The following POF1B variants were observed in gnomAD, a reference collection of about 807,000 sequenced individuals.
POF1B encodes the protein protein POF1B.
A neutral mutation model predicts 55.3 loss-of-function variants in POF1B; 53 were observed. That is an observed-to-expected ratio of 0.96 (90% confidence interval 0.77 to 1.20). The LOEUF is 1.20. Ranked by LOEUF, POF1B falls within the 50% of genes most tolerant of loss-of-function variation. POF1B has a pLI of 0.00. For synonymous variants in POF1B, 188 were observed against 148.3 expected, an observed-to-expected ratio of 1.27 and a Z score of -1.95; for missense variants, 478 against 420.5, an observed-to-expected ratio of 1.14 and a Z score of -1.20.
intron 3 of POF1B, among the ~76,000 whole-genome samples, chrX:85,361,178 C>T (rs1933609908): frequency 1.8e-5 from 2 of 111,777 alleles, no homozygotes; most frequent in South Asian, 3.7e-4. Flanking sequence ...TATAGGTTTT[C>T]GTTTCACTCT....
intron 4 of POF1B, among the ~76,000 whole-genome samples, chrX:85,354,000 G>T (rs1018888936): frequency 9.0e-6 from 1 of 110,914 alleles, no homozygotes; most frequent in African/African-American, 3.3e-5. Flanking sequence ...ACTAAAATCA[G>T]TGGAAGAAAG....
chrX:85,355,386 A>T lies in POF1B; in HGVS notation c.439-3935T>A, dbSNP rs1933472588. Among the ~76,000 whole-genome samples, 5 of 112,183 alleles carry T rather than the reference A, an allele frequency of 4.5e-5. No homozygotes were observed. The South Asian group carries it at 1.8e-3, about 41-fold the overall frequency. Reference sequence around the variant, plus strand: ...GAAAACCTAGGCATTACCATTCAGGACATAGGCTTGGGCAAGGACTTCATG... The same window carrying T: ...GAAAACCTAGGCATTACCATTCAGGTCATAGGCTTGGGCAAGGACTTCATG... On this transcript the variant is annotated intron_variant, in intron 4 of 16. Coordinates refer to ENST00000262753, the MANE Select transcript of POF1B (RefSeq NM_024921.4).
chrX:85,373,484 G>A (rs1422230490), intron 2 of POF1B, among the ~76,000 whole-genome samples: 2 of 111,185 alleles, frequency 1.8e-5, no homozygotes, highest in African/African-American at 6.5e-5. Context: ...GAAGAGTTGT[G>A]AAAAACAAAA....
intron 9 of POF1B, 66 bp from the exon 10 acceptor site, chrX:85,308,282 G>GT (rs1321652145): frequency 0.014 from 9,570 of 666,553 alleles, no homozygotes; most frequent in South Asian, 0.017. Context: ...ATAAGTGAAA[G>GT]TTTTTTTTTT....
intron 6 of POF1B, among the ~76,000 whole-genome samples, chrX:85,333,194 C>A (rs772361441): frequency 2.7e-5 from 3 of 110,746 alleles, no homozygotes; most frequent in South Asian, 7.6e-4. Context: ...TGCTTAAATA[C>A]CCTCTGTCCT....
At chrX:85,283,631 A>T (rs1019642737) in intron 15 of POF1B, among the ~76,000 whole-genome samples, 1 of 110,956 alleles carries the variant, frequency 9.0e-6, no homozygotes, top group Non-Finnish European at 1.9e-5. Flanking sequence ...GTGGAAAAAA[A>T]TAATTGACAT....
intron 4 of POF1B, among the ~76,000 whole-genome samples, chrX:85,352,661 G>GTGTT (rs766708600): frequency 1.8e-4 from 20 of 111,298 alleles, no homozygotes; most frequent in Non-Finnish European, 2.5e-4. Flanking sequence ...AAGATATTTT[G>GTGTT]TGTTTGTTTG....
At chrX:85,304,253 C>T (rs1932521445) in intron 14 of POF1B, 90 bp downstream of exon 14, 2 of 885,186 alleles carry the variant, frequency 2.3e-6, no homozygotes, top group East Asian at 7.9e-5. Flanking sequence ...GGATATGTGT[C>T]CTTTTCTAGT....
At chrX:85,303,657 G>A (rs1309879463) in intron 14 of POF1B, among the ~76,000 whole-genome samples, 169 bp from the exon 15 acceptor site, 1 of 110,656 alleles carries the variant, frequency 9.0e-6, no homozygotes, top group Non-Finnish European at 1.9e-5. Context: ...ATATCACCTA[G>A]TGTTGCTTCA....
In POF1B at chrX:85,306,205, T is replaced by G; in HGVS notation, c.1293A>C (p.Gln431His). 1 of 1,202,947 alleles carries G rather than the reference T, an allele frequency of 8.3e-7. No homozygotes were observed. The change falls in exon 12 of 17, where the codon CAA (glutamine) becomes CAC (histidine). Residue 431 changes from glutamine (Q) to histidine (H), a missense_variant. Coordinates refer to ENST00000262753, the MANE Select transcript of POF1B (RefSeq NM_024921.4). ...ELEYCKRNLE[Q>H]ENQNLRMQVS... ...CCTGCATTCTAAGGTTTTGATTCTC[T>G]TGCTCTAAATTACGTTTACAATATT...
chrX:85,299,191 C>CTT (rs765012797), intron 15 of POF1B, among the ~76,000 whole-genome samples: 20 of 74,869 alleles, frequency 2.7e-4, no homozygotes, highest in South Asian at 1.3e-3. Context: ...CTTTTTTTTT[C>CTT]TTTTTTTTTT....
chrX:85,351,860 A>G (rs1933397330), intron 4 of POF1B, among the ~76,000 whole-genome samples: 1 of 110,939 alleles, frequency 9.0e-6, no homozygotes, highest in Non-Finnish European at 1.9e-5. Flanking sequence ...GCAAAATAAA[A>G]ATATTTCAGC....
chrX:85,306,170 A>G lies in POF1B; in HGVS notation c.1317+11T>C. 1 of 1,179,275 alleles carries G rather than the reference A, an allele frequency of 8.5e-7. No homozygotes were observed. Among genetic ancestry groups the G allele is most frequent in the Non-Finnish European group, 1.1e-6 (1 of 871,835 alleles). ...AGGTAATACTGTATATTTAAAAGGA[A>G]GTTTTAATACCTGCATTCTAAGGTT... On this transcript the variant is annotated intron_variant, in intron 12 of 16. Transcript: ENST00000262753.
chrX:85,319,704 C>T (rs748356693), intron 7 of POF1B, among the ~76,000 whole-genome samples: 133 of 111,427 alleles, frequency 1.2e-3, no homozygotes, highest in African/African-American at 4.1e-3. Flanking sequence ...AATCTTGCCC[C>T]CCAGAAATAA....
At chrX:85,325,995 C>T (rs1427921864) in intron 7 of POF1B, among the ~76,000 whole-genome samples, 4 of 110,925 alleles carry the variant, frequency 3.6e-5, no homozygotes, top group Non-Finnish European at 7.6e-5. Flanking sequence ...TCTGGGGAGT[C>T]GTATTGGGCC....
chrX:85,284,733 G>T (rs1932002065), intron 15 of POF1B, among the ~76,000 whole-genome samples: 1 of 111,569 alleles, frequency 9.0e-6, no homozygotes, highest in Non-Finnish European at 1.9e-5. Context: ...TACCATTCAG[G>T]ACATAGGCGT....
At chrX:85,301,404 C>T (rs763159127) in intron 15 of POF1B, among the ~76,000 whole-genome samples, 21 of 111,701 alleles carry the variant, frequency 1.9e-4, no homozygotes, top group African/African-American at 6.8e-4. Context: ...CAAAACCATT[C>T]TTCAAAAATG....
chrX:85,298,863 A>G (rs1463832372), intron 15 of POF1B, among the ~76,000 whole-genome samples: 1 of 111,395 alleles, frequency 9.0e-6, no homozygotes, highest in Admixed American at 9.5e-5. Flanking sequence ...GAGACCAGGA[A>G]TTTGAGGCCA....
rs1485122318 is a variant in POF1B at position 85,317,278 on chromosome X, A to G, written c.855-1544T>C. On this transcript the variant is annotated intron_variant, in intron 7 of 16. Coordinates refer to ENST00000262753, the MANE Select transcript of POF1B (RefSeq NM_024921.4). ...AATTAGTCCAAGAACTTAAAACATA[A>G]TCAGCATTTGATTCAATGGAATTGC... Among the ~76,000 whole-genome samples, 3 of 108,139 alleles carry G rather than the reference A, an allele frequency of 2.8e-5. No individual in the cohort carries two copies. The Admixed American group carries it at 2.9e-4, about 11-fold the overall frequency. 93.9% of individuals were successfully genotyped at this position (108,139 alleles called of 115,157 possible).
Sources: gnomAD v4.1 joint callset for allele counts (sites outside exome capture counted in the v4.1 genomes callset) on GRCh38, gnomAD v4.1.1 for gene constraint, MANE v1.5 for transcripts, NCBI Gene and HGNC (gene_info 2026-07-23, HGNC 2026-07-21) for gene names.